The following SRL variants were observed in gnomAD, a reference collection of about 807,000 sequenced individuals.
SRL encodes the protein sarcalumenin.
A neutral mutation model predicts 39.5 loss-of-function variants in SRL; 23 were observed. The ratio of observed to expected loss-of-function variants is 0.58; its 90% CI spans 0.42 to 0.82. The LOEUF is 0.82. Among genes scored for constraint, SRL ranks in the 40% least tolerant of loss-of-function variants. The pLI, the probability that SRL is intolerant of heterozygous loss-of-function variation, is 0.00. For synonymous variants in SRL, 272 were observed against 237.4 expected (o/e 1.15, Z -1.34); for missense variants, 592 against 607.8 (o/e 0.97, Z 0.27).
chr16:4,198,559 A>T (rs1426186375), intron 3 of SRL, among the ~76,000 whole-genome samples: 1 of 152,006 alleles, frequency 6.6e-6, no homozygotes, highest in Non-Finnish European at 1.5e-5. Context: ...CTCCCACTTC[A>T]GCCTCCCAAG....
At chr16:4,221,533 A>G (rs142279703) in intron 1 of SRL, among the ~76,000 whole-genome samples, 128 of 152,278 alleles carry the variant, frequency 8.4e-4, no homozygotes, top group African/African-American at 3.0e-3. Context: ...TGAGAGCCAC[A>G]TGGGGCCACC....
intron 3 of SRL, among the ~76,000 whole-genome samples, chr16:4,198,140 G>A (rs17136859): frequency 0.1 from 15,187 of 152,192 alleles, 2,381 homozygotes; most frequent in African/African-American, 0.34. Flanking sequence ...TCCTTGGCAC[G>A]TCTGCCCCCA....
intron 1 of SRL, among the ~76,000 whole-genome samples, chr16:4,235,250 G>T (rs185052054): frequency 4.5e-4 from 69 of 152,360 alleles, no homozygotes; most frequent in African/African-American, 1.3e-3. Context: ...GGAGAGAACA[G>T]AAGCCAGCCC....
chr16:4,219,980 T>G (rs372616337), intron 1 of SRL, among the ~76,000 whole-genome samples: 1 of 151,928 alleles, frequency 6.6e-6, no homozygotes, highest in Admixed American at 6.6e-5. Flanking sequence ...CAGAAGAGCA[T>G]TCCAGCGTCT....
At chr16:4,220,427 G>A (rs2052512431) in intron 1 of SRL, among the ~76,000 whole-genome samples, 1 of 151,324 alleles carries the variant, frequency 6.6e-6, no homozygotes. Flanking sequence ...CAGCCTCAGT[G>A]ACAGGAGACA....
rs1313637580 is a variant in SRL, at chr16:4,197,881, G to A, written c.294C>T (p.Phe98=). 1 of 1,614,006 alleles carries A rather than the reference G, an allele frequency of 6.2e-7. No homozygotes were observed. The highest frequency in any genetic ancestry group is 8.5e-7 in the Non-Finnish European group (1 of 1,179,854). ...ATTTACCAACACTCCACGGTCCCAG[G>A]AACAGTACCATGGGCTTGGAGGTAA... ...GEITSKPMVL[F]LGPWSVGKST... The change falls in exon 4 of 6, where the codon TTC becomes TTT. Residue 98 remains phenylalanine, a synonymous_variant. Transcript: ENST00000399609.
chr16:4,233,739 C>A lies in SRL; in HGVS notation c.61+8268G>T, dbSNP rs569910264. The stretch of plus-strand genomic sequence containing the variant: ...CAGGGAGGGACCCACAGCTGCCTTA[C>A]ACCTCTCCCTGCTCTCATCAAATGC... On this transcript the variant is annotated intron_variant, in intron 1 of 5. Transcript: ENST00000399609. 8.5e-5 allele frequency among the ~76,000 whole-genome samples: 13 copies of A among 152,306 alleles called. No homozygotes were observed. The East Asian group carries it at 2.5e-3, about 29-fold the overall frequency.
chr16:4,208,648 C>T (rs1597278392), intron 1 of SRL, among the ~76,000 whole-genome samples: 1 of 152,150 alleles, frequency 6.6e-6, no homozygotes, highest in Admixed American at 6.6e-5. Context: ...GTTTGCAGGC[C>T]GGATAATCTT....
chr16:4,229,762 C>T (rs1380721496), intron 1 of SRL, among the ~76,000 whole-genome samples: 1 of 152,072 alleles, frequency 6.6e-6, no homozygotes, highest in Admixed American at 6.6e-5. Flanking sequence ...AACCTGCACA[C>T]GTCCCCCCTG....
At chr16:4,217,487 A>G (rs1422924743) in intron 1 of SRL, among the ~76,000 whole-genome samples, 1 of 152,148 alleles carries the variant, frequency 6.6e-6, no homozygotes, top group African/African-American at 2.4e-5. Flanking sequence ...TCTGGGCTCA[A>G]GCGATCCTCC....
chr16:4,230,864 A>C (rs566457099), intron 1 of SRL, among the ~76,000 whole-genome samples: 3 of 152,340 alleles, frequency 2.0e-5, no homozygotes, highest in African/African-American at 2.4e-5. Context: ...CAGAGAGTGC[A>C]GTGATGAAGC....
At chr16:4,197,421 CT>C (rs71139621) in intron 4 of SRL, among the ~76,000 whole-genome samples, 24 of 107,572 alleles carry the variant, frequency 2.2e-4, no homozygotes, top group South Asian at 9.0e-4. Context: ...CTTTTCTTTC[CT>C]TTTTTTTTTT....
In SRL at chr16:4,227,448, C is replaced by T. The variant is rs1009456215; in HGVS notation, c.61+14559G>A. On this transcript the variant is annotated intron_variant, in intron 1 of 5. Coordinates refer to ENST00000399609, the MANE Select transcript of SRL (RefSeq NM_001098814.2). ...GGATGGAAGGATGGATGTGTGGGTG[C>T]GTGGATAAGTGAATGGATGATGGGT... is the stretch of plus-strand genomic sequence containing the variant. Among the ~76,000 whole-genome samples, 11 of 146,192 alleles carry T rather than the reference C, an allele frequency of 7.5e-5. No homozygotes were observed. The East Asian group carries it at 1.0e-3, about 14-fold the overall frequency.
intron 1 of SRL, among the ~76,000 whole-genome samples, chr16:4,239,305 C>T (rs2141074463): frequency 6.6e-6 from 1 of 152,302 alleles, no homozygotes; most frequent in South Asian, 2.1e-4. Flanking sequence ...ATGCACCAGC[C>T]CCTTGCCATT....
At chr16:4,215,911 CT>C (rs1267935220) in intron 1 of SRL, among the ~76,000 whole-genome samples, 1 of 152,150 alleles carries the variant, frequency 6.6e-6, no homozygotes, top group East Asian at 1.9e-4. Context: ...TAGCGTGCGC[CT>C]GTGGTCCCAG....
chr16:4,199,693 CTTTTTTTTTT>C (rs35631556), intron 3 of SRL, among the ~76,000 whole-genome samples: 2 of 96,424 alleles, frequency 2.1e-5, no homozygotes, highest in Admixed American at 1.4e-4. Flanking sequence ...TTTTCTTTTC[CTTTTTTTTTT>C]TTTTTTTTTT....
intron 1 of SRL, among the ~76,000 whole-genome samples, chr16:4,227,186 A>G (rs1480207950): frequency 6.7e-6 from 1 of 150,282 alleles, no homozygotes; most frequent in Admixed American, 6.6e-5. Context: ...AGATGAATGG[A>G]CAGACGGACA....
intron 1 of SRL, among the ~76,000 whole-genome samples, chr16:4,213,768 C>T (rs958613026): frequency 1.3e-5 from 2 of 152,188 alleles, no homozygotes; most frequent in African/African-American, 4.8e-5. Flanking sequence ...CTCCTGCCCT[C>T]ACGTAGGACT....
chr16:4,216,703 A>G (rs1288127934), intron 1 of SRL, among the ~76,000 whole-genome samples: 4 of 152,238 alleles, frequency 2.6e-5, no homozygotes, highest in Non-Finnish European at 5.9e-5. Flanking sequence ...CCGTGCCTGC[A>G]GTGAACAGAA....
Sources: gnomAD v4.1 joint callset for allele counts (sites outside exome capture counted in the v4.1 genomes callset) on GRCh38, gnomAD v4.1.1 for gene constraint, MANE v1.5 for transcripts, NCBI Gene and HGNC (gene_info 2026-07-23, HGNC 2026-07-21) for gene names.